Variants in TCF12 observed in about 807,000 individuals in gnomAD.
TCF12 encodes DNA-binding protein HTF4.
TCF12 carries 45 observed loss-of-function variants against 86.0 expected under a neutral mutation model. The observed-to-expected ratio is 0.52, with a 90% confidence interval of 0.41 to 0.67. TCF12 has a LOEUF of 0.67. Ranked by LOEUF, TCF12 falls within the 30% of genes least tolerant of loss-of-function variation. TCF12 has a pLI of 0.00. For missense variants in TCF12, 881 were observed against 859.9 expected (o/e 1.02, Z -0.31); for synonymous variants, 330 against 299.6 (o/e 1.10, Z -1.05).
chr15:57,031,424 C>T (rs1434933057), intron 3 of TCF12, among the ~76,000 whole-genome samples: 5 of 152,132 alleles, frequency 3.3e-5, no homozygotes, highest in African/African-American at 4.8e-5. Flanking sequence ...CCTGGCTTAT[C>T]GCTGTGGTTG....
At chr15:57,188,746 G>C (rs2056818972) in intron 6 of TCF12, among the ~76,000 whole-genome samples, 1 of 152,134 alleles carries the variant, frequency 6.6e-6, no homozygotes, top group Non-Finnish European at 1.5e-5. Flanking sequence ...ACATGCAAAA[G>C]AATGAAGTTG....
chr15:57,059,824 T>A (rs796228558), intron 3 of TCF12, among the ~76,000 whole-genome samples: 43 of 144,244 alleles, frequency 3.0e-4, no homozygotes, highest in Middle Eastern at 3.7e-3. Context: ...AAAAAAAAAA[T>A]TCCAGTTTCC....
chr15:57,197,763 C>A lies in TCF12; in HGVS notation c.527-10C>A, dbSNP rs1444308847. 2.5e-6 allele frequency: 4 copies of A among 1,613,736 alleles called. No individual in the cohort carries two copies. In the South Asian group the frequency reaches 4.4e-5, roughly 18 times the overall value. ...TTATGCTGAAGAAATGTATTGTTTT[C>A]CATCTGCAGATCCCTTGCAAGCAAA... On this transcript the variant is annotated splice_polypyrimidine_tract_variant and intron_variant, in intron 7 of 20. Coordinates refer to ENST00000333725, the MANE Select transcript of TCF12 (RefSeq NM_207037.2).
chr15:57,257,014 A>G (rs2060377904), intron 16 of TCF12, among the ~76,000 whole-genome samples: 2 of 152,258 alleles, frequency 1.3e-5, no homozygotes, highest in African/African-American at 4.8e-5. Context: ...TAGGCTGTAT[A>G]GTCTCTGTCA....
intron 5 of TCF12, among the ~76,000 whole-genome samples, chr15:57,100,189 G>C (rs558760649): frequency 6.6e-6 from 1 of 152,256 alleles, no homozygotes; most frequent in Admixed American, 6.5e-5. Flanking sequence ...TCTGAGTTCT[G>C]CCTGTAGGGA....
chr15:57,272,785 G>A (rs2061202060), intron 18 of TCF12, among the ~76,000 whole-genome samples: 1 of 152,164 alleles, frequency 6.6e-6, no homozygotes, highest in African/African-American at 2.4e-5. Flanking sequence ...AAATCTTTAT[G>A]CTATAATGTG....
At chr15:56,919,704 CCGGGACCCGGCG>C (rs2059687082) in intron 1 of TCF12, 176 bp from the exon 2 acceptor site, 1 of 439,658 alleles carries the variant, frequency 2.3e-6, no homozygotes, top group East Asian at 3.9e-5. Context: ...CGCGTGGATT[CCGGGACCCGGCG>C]CGGGCACTGA....
chr15:57,169,417 G>C (rs1025579629), intron 6 of TCF12, among the ~76,000 whole-genome samples: 4 of 152,150 alleles, frequency 2.6e-5, no homozygotes, highest in African/African-American at 7.2e-5. Flanking sequence ...CAGAGGTTTA[G>C]AGTGAAGAGA....
chr15:57,091,857 G>C lies in TCF12; in HGVS notation c.291G>C (p.Leu97Phe). Residue 97 changes from leucine (L) to phenylalanine (F), a missense_variant, in exon 5 of 21, where the codon TTG becomes TTC. Coordinates refer to ENST00000333725, the MANE Select transcript of TCF12 (RefSeq NM_207037.2). Reference sequence around the variant, plus strand: ...GTCGATTAGGAGCCCATGAAGGCTTGTCCCCAACACCTTTCATGAACTCAA... The same window carrying C: ...GTCGATTAGGAGCCCATGAAGGCTTCTCCCCAACACCTTTCATGAACTCAA... Reference protein sequence around the residue: ...NDSRLGAHEGLSPTPFMNSNL... With the variant: ...NDSRLGAHEGFSPTPFMNSNL... 1 of 1,613,798 alleles carries C rather than the reference G, an allele frequency of 6.2e-7. No homozygotes were observed. The highest frequency in any genetic ancestry group is 8.5e-7 in the Non-Finnish European group (1 of 1,179,784).
At chr15:56,976,235 T>G (rs1304678432) in intron 3 of TCF12, among the ~76,000 whole-genome samples, 2 of 136,146 alleles carry the variant, frequency 1.5e-5, no homozygotes, top group East Asian at 4.2e-4. Flanking sequence ...TTTTTTTTTT[T>G]TTTTTTTTTT....
chr15:57,047,874 A>T, intron 3 of TCF12, among the ~76,000 whole-genome samples: 1 of 152,364 alleles, frequency 6.6e-6, no homozygotes, highest in African/African-American at 2.4e-5. Context: ...ATAGCTTACT[A>T]CACACCTAAG....
chr15:57,035,297 T>A (rs187979137), intron 3 of TCF12, among the ~76,000 whole-genome samples: 94 of 152,318 alleles, frequency 6.2e-4, no homozygotes, highest in South Asian at 1.2e-3. Context: ...AGTGTCTTGC[T>A]CTGTCACCCA....
intron 5 of TCF12, among the ~76,000 whole-genome samples, chr15:57,092,640 A>G (rs1428815189): frequency 2.0e-5 from 3 of 152,064 alleles, no homozygotes; most frequent in Non-Finnish European, 4.4e-5. Flanking sequence ...CCTTTTGCAA[A>G]ACCTGATTGA....
intron 8 of TCF12, among the ~76,000 whole-genome samples, chr15:57,220,067 G>T (rs1485958735): frequency 6.6e-6 from 1 of 152,082 alleles, no homozygotes; most frequent in Non-Finnish European, 1.5e-5. Flanking sequence ...GTAAAGTCCT[G>T]TCTGCTACAT....
chr15:57,231,950 T>C (rs2290939), intron 9 of TCF12, among the ~76,000 whole-genome samples: 28,062 of 152,200 alleles, frequency 0.18, 3,138 homozygotes, highest in Non-Finnish European at 0.24. Context: ...TTAATAACTT[T>C]CTGTGTATGT....
intron 11 of TCF12, among the ~76,000 whole-genome samples, chr15:57,233,757 A>G (rs1426715407): frequency 6.6e-6 from 1 of 152,212 alleles, no homozygotes; most frequent in African/African-American, 2.4e-5. Flanking sequence ...GATTACAGGC[A>G]TGAGCCACCG....
intron 13 of TCF12, 28 bp from the exon 14 acceptor site, chr15:57,251,322 G>T (rs778994407): frequency 1.9e-6 from 3 of 1,598,696 alleles, no homozygotes; most frequent in African/African-American, 1.3e-5. Context: ...GTTAACCCAG[G>T]TGTGTGGCTA....
At chr15:57,223,671 T>TTTTTTTTTTTTTG (rs71113084) in intron 8 of TCF12, among the ~76,000 whole-genome samples, 1 of 122,444 alleles carries the variant, frequency 8.2e-6, no homozygotes, top group African/African-American at 3.5e-5. Flanking sequence ...TTTTTTTTTT[T>TTTTTTTTTTTTTG]AGAAATAGAG....
intron 4 of TCF12, among the ~76,000 whole-genome samples, chr15:57,079,964 A>G (rs534827137): frequency 8.7e-4 from 132 of 152,346 alleles, no homozygotes; most frequent in African/African-American, 3.1e-3. Context: ...AGACTTAAAG[A>G]TCATTCTAAA....
Sources: allele counts gnomAD v4.1 joint callset (sites outside exome capture counted in the v4.1 genomes callset), GRCh38; gene constraint gnomAD v4.1.1; transcripts MANE v1.5; gene names NCBI Gene and HGNC (gene_info 2026-07-23, HGNC 2026-07-21).